Variants in ZEB1 observed in about 807,000 individuals in gnomAD.
The protein encoded by ZEB1 is zinc finger E-box binding homeobox 1.
In ZEB1, 21 loss-of-function variants were observed where a neutral mutation model predicts 84.9. The observed-to-expected ratio is 0.25, with a 90% CI of 0.18 to 0.36. The LOEUF is 0.36. Among genes scored for constraint, ZEB1 ranks in the 10% least tolerant of loss-of-function variants. ZEB1 has a pLI of 1.00. For missense variants in ZEB1, 1,104 were observed against 1,330.2 expected, an observed-to-expected ratio of 0.83 and a Z score of 2.65; for synonymous variants, 420 against 471.1, an observed-to-expected ratio of 0.89 and a Z score of 1.41.
At chr10:31,484,402 G>C (rs185728345) in intron 2 of ZEB1, among the ~76,000 whole-genome samples, 9 of 152,066 alleles carry the variant, frequency 5.9e-5, no homozygotes, top group Admixed American at 5.9e-4. Context: ...GTTCTAAATT[G>C]TGTTTTATAT....
At chr10:31,495,240 G>A (rs1240538801) in intron 2 of ZEB1, among the ~76,000 whole-genome samples, 1 of 151,984 alleles carries the variant, frequency 6.6e-6, no homozygotes, top group African/African-American at 2.4e-5. Flanking sequence ...TAAGTTACTA[G>A]CACAGTGCCT....
intron 2 of ZEB1, among the ~76,000 whole-genome samples, chr10:31,465,313 G>A (rs2062273855): frequency 1.3e-5 from 2 of 151,968 alleles, no homozygotes; most frequent in African/African-American, 4.8e-5. Context: ...AGGTAAAAGT[G>A]TAGTTTTTAT....
At chr10:31,514,804 T>A in intron 6 of ZEB1, 96 bp downstream of exon 6, 5 of 1,009,874 alleles carry the variant, frequency 5.0e-6, no homozygotes, top group Non-Finnish European at 7.4e-6. Flanking sequence ...GATCAGAAAC[T>A]CCTTGCATTT....
At chr10:31,444,670 A>T (rs988445056) in intron 1 of ZEB1, among the ~76,000 whole-genome samples, 1 of 152,084 alleles carries the variant, frequency 6.6e-6, no homozygotes, top group African/African-American at 2.4e-5. Flanking sequence ...TTAAATAGGG[A>T]ATCCTTTCCC....
chr10:31,467,829 G>T (rs1202775257), intron 2 of ZEB1, among the ~76,000 whole-genome samples: 1 of 152,052 alleles, frequency 6.6e-6, no homozygotes, highest in Non-Finnish European at 1.5e-5. Flanking sequence ...ACTAGGAAGG[G>T]TATAGCCTCA....
intron 1 of ZEB1, among the ~76,000 whole-genome samples, chr10:31,335,817 T>C (rs1351530834): frequency 6.6e-6 from 1 of 152,150 alleles, no homozygotes; most frequent in Non-Finnish European, 1.5e-5. Flanking sequence ...GAAAAAGCTA[T>C]TATTATTTGC....
intron 1 of ZEB1, among the ~76,000 whole-genome samples, chr10:31,392,098 C>G (rs536017098): frequency 1.3e-5 from 2 of 152,158 alleles, no homozygotes; most frequent in African/African-American, 2.4e-5. Context: ...CTTGAAAATA[C>G]CAGCCTAAAT....
At chr10:31,322,438 A>G (rs907220714) in intron 1 of ZEB1, among the ~76,000 whole-genome samples, 1 of 152,256 alleles carries the variant, frequency 6.6e-6, no homozygotes, top group African/African-American at 2.4e-5. Flanking sequence ...TTCATTTTGA[A>G]ATAAGATACG....
intron 1 of ZEB1, among the ~76,000 whole-genome samples, chr10:31,458,321 GTGTGTGTGTGTGTGT>G (rs1202011346): frequency 9.7e-4 from 119 of 122,444 alleles, no homozygotes; most frequent in African/African-American, 6.8e-3. Flanking sequence ...CCGTGTGTGT[GTGTGTGTGTGTGTGT>G]TGTGTGTGTG....
chr10:31,320,349 C>A (rs1420115774), intron 1 of ZEB1: 1 of 152,198 alleles, frequency 6.6e-6, no homozygotes, highest in Non-Finnish European at 1.5e-5. Context: ...GTCTCTGCGC[C>A]GGGATGGGCC....
chr10:31,374,888 CAAG>C (rs1430609068), intron 1 of ZEB1: 4 of 151,734 alleles, frequency 2.6e-5, no homozygotes, highest in African/African-American at 4.8e-5. Flanking sequence ...TACAGGATTT[CAAG>C]AAGGAAAGCC....
intron 2 of ZEB1, among the ~76,000 whole-genome samples, chr10:31,487,906 A>G (rs1336252802): frequency 1.3e-5 from 2 of 151,316 alleles, no homozygotes; most frequent in African/African-American, 4.8e-5. Flanking sequence ...ATCTGTGAAT[A>G]TGGAGGAATG....
chr10:31,321,250 C>G, intron 1 of ZEB1: 4 of 1,255,426 alleles, frequency 3.2e-6, no homozygotes, highest in Non-Finnish European at 4.0e-6. Context: ...TAAGCTGTTT[C>G]AAGATGTTTC....
intron 1 of ZEB1, among the ~76,000 whole-genome samples, chr10:31,450,429 A>G (rs1206460084): frequency 6.6e-6 from 1 of 151,940 alleles, no homozygotes; most frequent in Non-Finnish European, 1.5e-5. Context: ...TTTCTTTTAA[A>G]TTTGTAATTA....
At position 31,458,106 on chromosome 10, in the gene ZEB1, T is replaced by C. The variant is rs569416968; in HGVS notation, c.59-2931T>C. 9.9e-5 allele frequency among the ~76,000 whole-genome samples: 15 copies of C among 152,190 alleles called. No homozygotes were observed. The East Asian group carries it at 2.7e-3, about 27-fold the overall frequency. On this transcript the variant is annotated intron_variant, in intron 1 of 8. Coordinates refer to ENST00000424869, the MANE Select transcript of ZEB1 (RefSeq NM_001174096.2). Reference sequence around the variant, plus strand: ...TCAAGCATATTTGAGAGCCTTGCAGTGAGCCAGACCTTACATGATAGCCAG... The same window carrying C: ...TCAAGCATATTTGAGAGCCTTGCAGCGAGCCAGACCTTACATGATAGCCAG...
At chr10:31,442,759 G>A (rs2059189333) in intron 1 of ZEB1, among the ~76,000 whole-genome samples, 1 of 152,120 alleles carries the variant, frequency 6.6e-6, no homozygotes, top group Non-Finnish European at 1.5e-5. Context: ...CAAGAGAAGA[G>A]ATTGTTTTGA....
chr10:31,444,748 G>A (rs905181818), intron 1 of ZEB1, among the ~76,000 whole-genome samples: 1 of 151,620 alleles, frequency 6.6e-6, no homozygotes, highest in African/African-American at 2.4e-5. Flanking sequence ...ATTTCTGAGG[G>A]CTCTGTTCTG....
chr10:31,435,787 T>C (rs890929730), intron 1 of ZEB1, among the ~76,000 whole-genome samples: 7 of 152,188 alleles, frequency 4.6e-5, no homozygotes, highest in Non-Finnish European at 7.3e-5. Flanking sequence ...TGAAAGGTTT[T>C]AAGAAGGAGA....
intron 1 of ZEB1, among the ~76,000 whole-genome samples, chr10:31,343,890 T>TA (rs1249847987): frequency 5.9e-5 from 9 of 152,162 alleles, no homozygotes; most frequent in African/African-American, 2.2e-4. Flanking sequence ...TTCGATGTTT[T>TA]TACTGAATGC....
Sources: allele counts gnomAD v4.1 joint callset (sites outside exome capture counted in the v4.1 genomes callset), GRCh38; gene constraint gnomAD v4.1.1; transcripts MANE v1.5; gene names NCBI Gene and HGNC (gene_info 2026-07-23, HGNC 2026-07-21).